PPM1A: variants seen among roughly 807,000 people sequenced by gnomAD.
PPM1A encodes the protein protein phosphatase, Mg2+/Mn2+ dependent 1A.
In PPM1A, 7 loss-of-function variants were observed where a neutral mutation model predicts 35.0. The observed-to-expected ratio is 0.20, with a 90% CI of 0.11 to 0.38. The LOEUF (loss-of-function observed/expected upper bound fraction) is 0.38, where lower values mean the gene tolerates loss of function less well. PPM1A is among the 10% of genes least tolerant of loss of function. PPM1A has a pLI of 1.00. For missense variants in PPM1A, 239 were observed against 467.8 expected, an observed-to-expected ratio of 0.51 and a Z score of 4.51; for synonymous variants, 153 against 167.3, an observed-to-expected ratio of 0.91 and a Z score of 0.66.
In PPM1A at chr14:60,291,414, C is replaced by T. The variant is rs745692096; in HGVS notation, c.1079C>T (p.Ala360Val). The change falls in exon 5 of 6, where the codon GCC becomes GTC. Residue 360 changes from alanine to valine, a missense_variant. By Grantham distance (64) the Ala-to-Val change is moderately conservative (BLOSUM62 0). Coordinates refer to ENST00000395076, the MANE Select transcript of PPM1A (RefSeq NM_021003.5). The part of the protein sequence containing the change: ...ELASKRNVIE[A>V]VYNRLNPYKN... ...ACACTTAGGAGGAATGTTATTGAAG[C>T]CGTTTACAATAGACTGAATCCTTAC... The T allele has an allele frequency of 3.8e-6, 6 of 1,573,780 alleles. No individual in the cohort carries two copies. Among genetic ancestry groups the T allele is most frequent in the Admixed American group, 1.8e-5 (1 of 57,064 alleles).
intron 1 of PPM1A, among the ~76,000 whole-genome samples, chr14:60,255,094 C>T (rs1882899628): frequency 6.6e-6 from 1 of 151,876 alleles, no homozygotes; most frequent in South Asian, 2.1e-4. Context: ...TCTCTGACCC[C>T]CAGAGTGTTT....
In PPM1A at chr14:60,273,658, C is replaced by T. The variant is rs143826835; in HGVS notation, c.-20-9026C>T. 1.1e-3 allele frequency among the ~76,000 whole-genome samples: 165 copies of T among 152,204 alleles called. No homozygotes were observed. Among genetic ancestry groups the T allele is most frequent in the African/African-American group, 3.8e-3 (158 of 41,520 alleles). On this transcript the variant is annotated intron_variant, in intron 1 of 5. Transcript: ENST00000395076. The surrounding 1 kb of genome is among the most constrained non-coding windows in gnomAD (Gnocchi z 4.3). ...TGAATTAGAGGGATGCCAGGATCCA[C>T]GTGAAGAGACTAAAGACGCTAGTAT...
chr14:60,282,576 C>A lies in PPM1A; in HGVS notation c.-20-108C>A. ...AGCAACACAATGAATGTCTGCTTAT[C>A]GCGAGTTGTGAATTCCCGCATATCT... On this transcript the variant is annotated intron_variant, in intron 1 of 5. Transcript: ENST00000395076. The surrounding 1 kb of genome is among the most constrained non-coding windows in gnomAD (Gnocchi z 5.1). 1.5e-6 allele frequency: 2 copies of A among 1,351,716 alleles called. No homozygotes were observed. The highest frequency in any genetic ancestry group is 2.0e-6 in the Non-Finnish European group (2 of 997,426). 83.7% of individuals were successfully genotyped at this position (1,351,716 alleles called of 1,614,324 possible). A position where few individuals can be genotyped will look rare whatever the true frequency, so the allele number is the denominator to read the frequency against.
chr14:60,259,021 G>C (rs755073174), intron 1 of PPM1A, among the ~76,000 whole-genome samples: 1 of 152,056 alleles, frequency 6.6e-6, no homozygotes, highest in Non-Finnish European at 1.5e-5. Flanking sequence ...TGCGATTTGA[G>C]GTGTGGCTAT....
chr14:60,262,270 AT>A (rs1320255259), intron 1 of PPM1A, among the ~76,000 whole-genome samples: 11 of 152,170 alleles, frequency 7.2e-5, no homozygotes, highest in African/African-American at 2.7e-4. Flanking sequence ...AGAAATGAGT[AT>A]TTGTTGATTT....
In PPM1A at chr14:60,289,199, TTA is replaced by T. The variant is rs897119457; in HGVS notation, c.953-601_953-600del. Among the ~76,000 whole-genome samples, 1 of 152,110 alleles carries T rather than the reference TTA, an allele frequency of 6.6e-6. No individual in the cohort carries two copies. Among genetic ancestry groups the T allele is most frequent in the African/African-American group, 2.4e-5 (1 of 41,446 alleles). The stretch of plus-strand genomic sequence containing the variant: ...GAAGTAATCAGTGAAGGAAATGGTA[TTA>T]TATATCTATACAGTATATTGTTTAA... On this transcript the variant is annotated intron_variant, in intron 3 of 5. Transcript: ENST00000395076. The surrounding 1 kb of genome is among the most constrained non-coding windows in gnomAD (Gnocchi z 4.1).
intron 1 of PPM1A, among the ~76,000 whole-genome samples, chr14:60,255,791 A>G (rs73315757): frequency 0.013 from 1,937 of 152,294 alleles, 47 homozygotes; most frequent in African/African-American, 0.044. Context: ...CAGTGTTCTT[A>G]TATTGATGTA....
rs1034972514 is a variant in PPM1A, at chr14:60,295,221, G to C, written c.*2739G>C. On this transcript the variant is annotated 3_prime_UTR_variant, in exon 6 of 6. Transcript: ENST00000395076. ...AATAACATTTTGTATAGCAGGCTCT[G>C]TTTTACCCTAACATTAAAAAATTTC... is the stretch of plus-strand genomic sequence containing the variant. 1.3e-5 allele frequency: 2 copies of C among 151,682 alleles called. No homozygotes were observed. Among genetic ancestry groups the C allele is most frequent in the Admixed American group, 1.3e-4 (2 of 15,184 alleles). The allele number at this position is 151,682 out of a possible 1,614,324, so 9.4% of individuals were successfully genotyped here. A position where few individuals can be genotyped will look rare whatever the true frequency, so the allele number is the denominator to read the frequency against.
chr14:60,286,453 CTAAG>C, intron 3 of PPM1A: 2 of 985,184 alleles, frequency 2.0e-6, no homozygotes, highest in Non-Finnish European at 2.4e-6. Context: ...TGCAGTTTCT[CTAAG>C]TGGAAAAACT....
chr14:60,286,724 C>G, intron 3 of PPM1A: 1 of 984,000 alleles, frequency 1.0e-6, no homozygotes, highest in Non-Finnish European at 1.2e-6. Flanking sequence ...CATAATCAGT[C>G]TGATACTAGA....
At chr14:60,261,076 A>G (rs919361223) in intron 1 of PPM1A, among the ~76,000 whole-genome samples, 1 of 152,188 alleles carries the variant, frequency 6.6e-6, no homozygotes, top group Admixed American at 6.5e-5. Context: ...TCAGACTTGC[A>G]TGAGTTTACT....
chr14:60,295,175 T>C lies in PPM1A; in HGVS notation c.*2693T>C, dbSNP rs896967980. Reference sequence around the variant, plus strand: ...ATATACTTTTATCATTTAAATGTCTTATTTGCTGCTATGAATAGGAAATAA... The same window carrying C: ...ATATACTTTTATCATTTAAATGTCTCATTTGCTGCTATGAATAGGAAATAA... On this transcript the variant is annotated 3_prime_UTR_variant, in exon 6 of 6. Coordinates refer to ENST00000395076, the MANE Select transcript of PPM1A (RefSeq NM_021003.5). 3 of 151,810 alleles carry C rather than the reference T, an allele frequency of 2.0e-5. No individual in the cohort carries two copies. The highest frequency in any genetic ancestry group is 7.2e-5 in the African/African-American group (3 of 41,428). The allele number at this position is 151,810 out of a possible 1,614,324, so 9.4% of individuals were successfully genotyped here. A position where few individuals can be genotyped will look rare whatever the true frequency, so the allele number is the denominator to read the frequency against.
chr14:60,261,148 T>A (rs1401400448), intron 1 of PPM1A, among the ~76,000 whole-genome samples: 2 of 151,936 alleles, frequency 1.3e-5, no homozygotes, highest in African/African-American at 4.8e-5. Flanking sequence ...CCCTACTAAG[T>A]CCAGAATGAG....
At chr14:60,291,366 GAATT>G in intron 4 of PPM1A, 27 bp from the exon 5 acceptor site, 1 of 1,476,506 alleles carries the variant, frequency 6.8e-7, no homozygotes, top group Non-Finnish European at 9.2e-7. Context: ...GCTTTCTGAA[GAATT>G]AATTTTCTGC....
At chr14:60,256,515 C>T (rs758520929) in intron 1 of PPM1A, among the ~76,000 whole-genome samples, 5 of 152,144 alleles carry the variant, frequency 3.3e-5, no homozygotes, top group Admixed American at 1.3e-4. Context: ...CAGTCAGTGC[C>T]GGCTTAGATC....
intron 1 of PPM1A, among the ~76,000 whole-genome samples, chr14:60,257,526 A>G (rs1029003549): frequency 3.8e-4 from 58 of 152,342 alleles, no homozygotes; most frequent in African/African-American, 1.2e-3. Context: ...TGACCACCTC[A>G]GGGAGGGATG....
intron 1 of PPM1A, among the ~76,000 whole-genome samples, chr14:60,264,346 T>C (rs1884129373): frequency 6.6e-6 from 1 of 152,190 alleles, no homozygotes; most frequent in African/African-American, 2.4e-5. Context: ...CTGGTAGTTT[T>C]TTAAAAGATT....
intron 1 of PPM1A, among the ~76,000 whole-genome samples, chr14:60,250,211 C>G (rs1882218379): frequency 6.6e-6 from 1 of 152,172 alleles, no homozygotes; most frequent in Non-Finnish European, 1.5e-5. Context: ...GGCTGAGAGA[C>G]TCCTTCAGAA....
chr14:60,282,596 A>T lies in PPM1A; in HGVS notation c.-20-88A>T, dbSNP rs1255228280. ...CTTATCGCGAGTTGTGAATTCCCGCATATCTCTTTCACTTATTAAAAAGAT... is the reference window on the plus strand; with the variant it reads ...CTTATCGCGAGTTGTGAATTCCCGCTTATCTCTTTCACTTATTAAAAAGAT... On this transcript the variant is annotated intron_variant, in intron 1 of 5. Coordinates refer to ENST00000395076, the MANE Select transcript of PPM1A (RefSeq NM_021003.5). The surrounding 1 kb of genome is among the most constrained non-coding windows in gnomAD (Gnocchi z 5.1). 83 of 1,475,424 alleles carry T rather than the reference A, an allele frequency of 5.6e-5. 1 individual carries two copies. The highest frequency in any genetic ancestry group is 8.6e-5 in the Admixed American group (4 of 46,246). The allele number at this position is 1,475,424 out of a possible 1,614,324, so 91.4% of individuals were successfully genotyped here.
Sources: allele counts gnomAD v4.1 joint callset (sites outside exome capture counted in the v4.1 genomes callset), GRCh38; gene constraint gnomAD v4.1.1; non-coding constraint Gnocchi (gnomAD v3.1); transcripts MANE v1.5; gene names NCBI Gene and HGNC (gene_info 2026-07-23, HGNC 2026-07-21).